The following CLN5 variants were observed in gnomAD, a reference collection of about 807,000 sequenced individuals.
CLN5 encodes bis(monoacylglycero)phosphate synthase CLN5.
In CLN5, 34 loss-of-function variants were observed where a neutral mutation model predicts 36.7. That is an observed-to-expected ratio of 0.93 (90% CI 0.71 to 1.23). The LOEUF (loss-of-function observed/expected upper bound fraction) is 1.23. Among genes scored for constraint, CLN5 ranks in the 50% most tolerant of loss-of-function variants. The probability of loss-of-function intolerance (pLI) is 0.00; values close to 1 mark genes in which losing one functional copy is unlikely to be tolerated. For missense variants in CLN5, 427 were observed against 439.4 expected (o/e 0.97, Z 0.25); for synonymous variants, 151 against 155.1 (o/e 0.97, Z 0.20).
rs1296562237 is a variant in CLN5, at chr13:77,004,786, A to T, written c.*3817A>T. ...TCTTAAAATGCACTAAATTGACTTA[A>T]TCTTCAATCATACCTATTTTTTCTG... is the stretch of plus-strand genomic sequence containing the variant. On this transcript the variant is annotated 3_prime_UTR_variant, in exon 4 of 4. Coordinates refer to ENST00000377453, the MANE Select transcript of CLN5 (RefSeq NM_006493.4). The T allele has an allele frequency of 6.6e-6, 1 of 152,226 alleles. No individual in the cohort carries two copies. Among genetic ancestry groups the T allele is most frequent in the African/African-American group, 2.4e-5 (1 of 41,460 alleles). 9.4% of individuals were successfully genotyped at this position (152,226 alleles called of 1,614,324 possible). A position where few individuals can be genotyped will look rare whatever the true frequency, so the allele number is the denominator to read the frequency against.
chr13:76,998,382 A>G (rs756569527), intron 3 of CLN5: 1 of 152,270 alleles, frequency 6.6e-6, no homozygotes. Flanking sequence ...CCGTTGCCTC[A>G]TGTGCAAAAT....
rs756856250 is a variant in CLN5 at position 76,996,022 on chromosome 13, G to C, written c.460G>C (p.Asp154His). 8 of 1,614,176 alleles carry C rather than the reference G, an allele frequency of 5.0e-6. No individual in the cohort carries two copies. In the South Asian group the frequency reaches 7.7e-5, roughly 16 times the overall value. ...CTFPHLRPEM[D>H]APFWCNQGAA... The stretch of plus-strand genomic sequence containing the variant: ...ATTTCCCCATCTCCGACCTGAAATG[G>C]ATGCCCCTTTCTGGTGTAATCAAGG... The change falls in exon 3 of 4, where the codon GAT becomes CAT. Residue 154 changes from aspartate to histidine, a missense_variant. Physicochemically the swap from Asp to His is moderately conservative, Grantham distance 81. Transcript: ENST00000377453.
At chr13:76,994,946 A>C in intron 1 of CLN5, 117 bp from the exon 2 acceptor site, 1 of 839,236 alleles carries the variant, frequency 1.2e-6, no homozygotes, top group Non-Finnish European at 1.9e-6. Context: ...GTTTATATTT[A>C]TTAACTATGG....
Position 76,992,156 on chromosome 13 carries a change from G to A in CLN5, c.58G>A (p.Ala20Thr). 6.2e-7 allele frequency: 1 copy of A among 1,605,654 alleles called. No homozygotes were observed. The change falls in exon 1 of 4, where the codon GCT (alanine) becomes ACT (threonine). Residue 20 changes from alanine (A) to threonine (T), a missense_variant. Physicochemically the swap from Ala to Thr is moderately conservative, Grantham distance 58 (BLOSUM62 0). Coordinates refer to ENST00000377453, the MANE Select transcript of CLN5 (RefSeq NM_006493.4). ...CGAGATGCGGCGGGGCGCGGGCGCG[G>A]CTCGGGGACGCGCTTCCTGGTGCTG... ...GAEMRRGAGA[A>T]RGRASWCWAL...
At position 76,995,176 on chromosome 13, in the gene CLN5, G is replaced by T. The variant is rs201068201; in HGVS notation, c.287G>T (p.Arg96Leu). The change falls in exon 2 of 4, where the codon CGA becomes CTA. Residue 96 changes from arginine (R) to leucine (L), a missense_variant. By Grantham distance (102) the Arg-to-Leu change is moderately radical. Coordinates refer to ENST00000377453, the MANE Select transcript of CLN5 (RefSeq NM_006493.4). Reference protein sequence around the residue: ...MEGDDDIEVFRLQAPVWEFKY... With the variant: ...MEGDDDIEVFLLQAPVWEFKY... ...GGTGATGATGACATTGAAGTTTTTC[G>T]ATTACAAGCCCCAGTATGGGAATTT... 5.6e-6 allele frequency: 9 copies of T among 1,613,912 alleles called. No homozygotes were observed. Among genetic ancestry groups the T allele is most frequent in the Admixed American group, 3.3e-5 (2 of 60,002 alleles).
intron 1 of CLN5, chr13:76,993,994 T>G (rs2034223048): frequency 6.6e-6 from 1 of 152,284 alleles, no homozygotes; most frequent in Admixed American, 6.5e-5. Context: ...TGCTGTGGCC[T>G]TCTCCGGTCT....
chr13:77,003,228 C>T lies in CLN5; in HGVS notation c.*2259C>T, dbSNP rs2034391802. On this transcript the variant is annotated 3_prime_UTR_variant, in exon 4 of 4. Transcript: ENST00000377453. ...ACGTGAGGCTAAGGCAGGAGAATCACTTGAACCCAGGAGGCAGAGGTTGCA... is the reference window on the plus strand; with the variant it reads ...ACGTGAGGCTAAGGCAGGAGAATCATTTGAACCCAGGAGGCAGAGGTTGCA... 1 of 151,958 alleles carries T rather than the reference C, an allele frequency of 6.6e-6. No individual in the cohort carries two copies. The highest frequency in any genetic ancestry group is 2.1e-4 in the South Asian group (1 of 4,822). The allele number at this position is 151,958 out of a possible 1,614,324, so 9.4% of individuals were successfully genotyped here. A position where few individuals can be genotyped will look rare whatever the true frequency, so the allele number is the denominator to read the frequency against.
chr13:76,993,563 CAG>C (rs1406625864), intron 1 of CLN5: 3 of 151,842 alleles, frequency 2.0e-5, no homozygotes. Context: ...TTTTAAGTCT[CAG>C]ATATTAAGTA....
intron 2 of CLN5, 26 bp downstream of exon 2, chr13:76,995,254 C>T: frequency 3.1e-6 from 5 of 1,608,542 alleles, no homozygotes; most frequent in Non-Finnish European, 4.3e-6. Context: ...GGTCTTATAA[C>T]TTTGGTTAAT....
At chr13:76,996,352 T>A (rs2034268366) in intron 3 of CLN5, 3 of 515,848 alleles carry the variant, frequency 5.8e-6, no homozygotes, top group Non-Finnish European at 1.0e-5. Flanking sequence ...TTAAGTTACA[T>A]GAATAAGTTC....
In CLN5 at chr13:76,996,094, A is replaced by T. The variant is rs759460716; in HGVS notation, c.532A>T (p.Asn178Tyr). ...EGIDDVHWKENGTLVQVATIS... is the reference protein window; with the variant it reads ...EGIDDVHWKEYGTLVQVATIS... The stretch of plus-strand genomic sequence containing the variant: ...AATTGATGATGTTCACTGGAAGGAA[A>T]ATGGGACATTAGTTCAAGTAGCAAC... The change falls in exon 3 of 4, where the codon AAT becomes TAT. Residue 178 changes from asparagine (N) to tyrosine (Y), a missense_variant. Physicochemically the swap from Asn to Tyr is moderately radical, Grantham distance 143. Transcript: ENST00000377453. 1.9e-6 allele frequency: 3 copies of T among 1,614,160 alleles called. No individual in the cohort carries two copies. The highest frequency in any genetic ancestry group is 2.5e-6 in the Non-Finnish European group (3 of 1,180,022).
chr13:77,003,977 C>A lies in CLN5; in HGVS notation c.*3008C>A, dbSNP rs1404472656. The A allele has an allele frequency of 6.6e-6, 1 of 152,202 alleles. No homozygotes were observed. The allele number at this position is 152,202 out of a possible 1,614,324, so 9.4% of individuals were successfully genotyped here. On this transcript the variant is annotated 3_prime_UTR_variant, in exon 4 of 4. Coordinates refer to ENST00000377453, the MANE Select transcript of CLN5 (RefSeq NM_006493.4). ...ATGTTGTAGATGTATAAAATTTATA[C>A]ATTTTTAGTCTGACTAGGGCTTTAG...
intron 3 of CLN5, chr13:76,996,365 T>G: frequency 2.1e-6 from 1 of 484,470 alleles, no homozygotes; most frequent in South Asian, 2.2e-5. Flanking sequence ...ATAAGTTCTT[T>G]AGTGGTGATT....
Position 76,995,691 on chromosome 13 carries a change from G to A in CLN5, c.340-211G>A, listed in dbSNP as rs984008709. On this transcript the variant is annotated intron_variant, in intron 2 of 3. Transcript: ENST00000377453. Reference sequence around the variant, plus strand: ...CATGCAGGCCTCCTATTTGAGATGAGCCAAATAGGGGTGTAGTGGCCAAAG... The same window carrying A: ...CATGCAGGCCTCCTATTTGAGATGAACCAAATAGGGGTGTAGTGGCCAAAG... The A allele has an allele frequency of 8.2e-6, 5 of 611,874 alleles. No homozygotes were observed. In the African/African-American group the frequency reaches 9.2e-5, roughly 11 times the overall value. The allele number at this position is 611,874 out of a possible 1,614,324, so 37.9% of individuals were successfully genotyped here.
chr13:76,999,841 C>T (rs957573597), intron 3 of CLN5: 4 of 152,138 alleles, frequency 2.6e-5, no homozygotes, highest in Non-Finnish European at 4.4e-5. Flanking sequence ...TGTATAATTT[C>T]GCTTTGACTA....
rs1249255749 is a variant in CLN5, at chr13:77,002,771, C to T, written c.*1802C>T. 6.6e-6 allele frequency: 1 copy of T among 152,148 alleles called. No individual in the cohort carries two copies. Among genetic ancestry groups the T allele is most frequent in the Admixed American group, 6.6e-5 (1 of 15,264 alleles). The allele number at this position is 152,148 out of a possible 1,614,324, so 9.4% of individuals were successfully genotyped here. On this transcript the variant is annotated 3_prime_UTR_variant, in exon 4 of 4. Transcript: ENST00000377453. The stretch of plus-strand genomic sequence containing the variant: ...TGTTACAAGAAAACTTGGATCTGTG[C>T]ATTATCACCATCTAGTGGCTAAACT...
rs1478054799 is a variant in CLN5, at chr13:77,003,974, A to G, written c.*3005A>G. On this transcript the variant is annotated 3_prime_UTR_variant, in exon 4 of 4. Coordinates refer to ENST00000377453, the MANE Select transcript of CLN5 (RefSeq NM_006493.4). Reference sequence around the variant, plus strand: ...AAAATGTTGTAGATGTATAAAATTTATACATTTTTAGTCTGACTAGGGCTT... The same window carrying G: ...AAAATGTTGTAGATGTATAAAATTTGTACATTTTTAGTCTGACTAGGGCTT... The G allele has an allele frequency of 6.6e-6, 1 of 152,248 alleles. No homozygotes were observed. The highest frequency in any genetic ancestry group is 1.9e-4 in the East Asian group (1 of 5,200). The allele number at this position is 152,248 out of a possible 1,614,324, so 9.4% of individuals were successfully genotyped here.
At position 77,001,071 on chromosome 13, in the gene CLN5, A is replaced by G; in HGVS notation, c.*102A>G. The G allele has an allele frequency of 9.6e-7, 1 of 1,043,262 alleles. No individual in the cohort carries two copies. The highest frequency in any genetic ancestry group is 1.4e-5 in the South Asian group (1 of 72,244). The allele number at this position is 1,043,262 out of a possible 1,614,324, so 64.6% of individuals were successfully genotyped here. ...TTCCTTAGCCTTTCTTCCTTGGTGC[A>G]TAAAGTTAAAATGCACATCAGCAGA... On this transcript the variant is annotated 3_prime_UTR_variant, in exon 4 of 4. Transcript: ENST00000377453.
rs1224376581 is a variant in CLN5, at chr13:77,003,352, C to CT, written c.*2385dup. The CT allele has an allele frequency of 6.6e-6, 1 of 152,136 alleles. No individual in the cohort carries two copies. The highest frequency in any genetic ancestry group is 2.4e-5 in the African/African-American group (1 of 41,430). 9.4% of individuals were successfully genotyped at this position (152,136 alleles called of 1,614,324 possible). A position where few individuals can be genotyped will look rare whatever the true frequency, so the allele number is the denominator to read the frequency against. ...AAGATTTTTCATTGTTCCTAAGAAT[C>CT]TTAATTAAATGAAGACAGAAAGCAT... On this transcript the variant is annotated 3_prime_UTR_variant, in exon 4 of 4. Coordinates refer to ENST00000377453, the MANE Select transcript of CLN5 (RefSeq NM_006493.4).
Sources: gnomAD v4.1 joint callset for allele counts on GRCh38, gnomAD v4.1.1 for gene constraint, MANE v1.5 for transcripts, NCBI Gene and HGNC (gene_info 2026-07-23, HGNC 2026-07-21) for gene names.